The following ZNF892 variants were observed in gnomAD, a reference collection of about 807,000 sequenced individuals.
The protein encoded by ZNF892 is zinc finger protein 892.
chr2:95,262,677 G>T, the ZNF892 span, among the ~76,000 whole-genome samples: 9 of 152,162 alleles, frequency 5.9e-5, no homozygotes. Flanking sequence ...AAGGAGCAGG[G>T]GTTGTTGACA....
At chr2:95,215,904 C>T in the ZNF892 span, among the ~76,000 whole-genome samples, 1 of 152,166 alleles carries the variant, frequency 6.6e-6, no homozygotes, top group Non-Finnish European at 1.5e-5. Flanking sequence ...AACGGGACAT[C>T]TTGACTGTGC....
chr2:95,220,937 G>T, the ZNF892 span, among the ~76,000 whole-genome samples: 27 of 152,134 alleles, frequency 1.8e-4, no homozygotes, highest in African/African-American at 5.5e-4. Context: ...TCAGAATTTT[G>T]GATTTTTTTA....
chr2:95,226,917 C>T, the ZNF892 span, among the ~76,000 whole-genome samples: 2 of 152,176 alleles, frequency 1.3e-5, no homozygotes, highest in African/African-American at 4.8e-5. Flanking sequence ...TTAAGTGGCT[C>T]TTGAGTCCCA....
At chr2:95,208,518 G>A in the ZNF892 span, 1 of 396,880 alleles carries the variant, frequency 2.5e-6, no homozygotes, top group Non-Finnish European at 4.4e-6. Flanking sequence ...TTGATTAAAA[G>A]ATATTATGCG....
At chr2:95,260,074 C>T in the ZNF892 span, among the ~76,000 whole-genome samples, 48 of 152,322 alleles carry the variant, frequency 3.2e-4, no homozygotes, top group African/African-American at 6.0e-4. Context: ...CACCCAGGTC[C>T]GGCTGCTGCG....
chr2:95,253,596 A>G, the ZNF892 span, among the ~76,000 whole-genome samples: 2 of 152,168 alleles, frequency 1.3e-5, no homozygotes, highest in East Asian at 3.9e-4. Flanking sequence ...TGCACTTTAA[A>G]GTAGTTTTTT....
the ZNF892 span, among the ~76,000 whole-genome samples, chr2:95,254,477 G>A: frequency 6.6e-6 from 1 of 152,218 alleles, no homozygotes; most frequent in Admixed American, 6.5e-5. Context: ...GCTGGATTCA[G>A]TTTGCCAGTA....
chr2:95,260,947 G>C, the ZNF892 span, among the ~76,000 whole-genome samples: 1 of 152,206 alleles, frequency 6.6e-6, no homozygotes, highest in African/African-American at 2.4e-5. Context: ...AGGGCGGCCT[G>C]CAGCCCAGGT....
chr2:95,261,296 C>CTT, the ZNF892 span, among the ~76,000 whole-genome samples: 1 of 141,568 alleles, frequency 7.1e-6, no homozygotes, highest in Admixed American at 7.1e-5. Context: ...TTACACAATT[C>CTT]TTTTTTTTTT....
chr2:95,231,151 C>A, the ZNF892 span, among the ~76,000 whole-genome samples: 1 of 152,242 alleles, frequency 6.6e-6, no homozygotes, highest in Non-Finnish European at 1.5e-5. Context: ...CCTAGCAATG[C>A]TCTTCACAAC....
the ZNF892 span, among the ~76,000 whole-genome samples, chr2:95,254,628 A>G: frequency 1.5e-3 from 226 of 152,138 alleles, 1 homozygote; most frequent in Admixed American, 5.1e-3. Flanking sequence ...CTCTTTTTCT[A>G]TTGATTGGAA....
the ZNF892 span, among the ~76,000 whole-genome samples, chr2:95,216,185 A>G: frequency 3.9e-5 from 6 of 152,208 alleles, no homozygotes; most frequent in African/African-American, 4.8e-5. Context: ...CATGAGAAAT[A>G]TAGACTTGCT....
At chr2:95,227,356 C>T in the ZNF892 span, among the ~76,000 whole-genome samples, 2 of 152,018 alleles carry the variant, frequency 1.3e-5, no homozygotes, top group African/African-American at 4.8e-5. Context: ...CAGAGTTTCA[C>T]TCTGTCTCCC....
At chr2:95,261,961 C>T in the ZNF892 span, among the ~76,000 whole-genome samples, 5 of 152,132 alleles carry the variant, frequency 3.3e-5, no homozygotes, top group African/African-American at 7.2e-5. Context: ...AGTCAGTGCA[C>T]GCTCTAACGT....
chr2:95,232,121 AC>A, the ZNF892 span: 1 of 152,164 alleles, frequency 6.6e-6, no homozygotes, highest in Non-Finnish European at 1.5e-5. Context: ...GAAATGGAAG[AC>A]TTGTGTGCGG....
the ZNF892 span, among the ~76,000 whole-genome samples, chr2:95,240,859 A>C: frequency 1.3e-5 from 2 of 152,126 alleles, no homozygotes; most frequent in Admixed American, 6.5e-5. Flanking sequence ...AGTGTCCCCC[A>C]CAATGCAGCA....
At chr2:95,219,845 C>A in the ZNF892 span, among the ~76,000 whole-genome samples, 1 of 152,170 alleles carries the variant, frequency 6.6e-6, no homozygotes, top group African/African-American at 2.4e-5. Flanking sequence ...TACTGCTCGG[C>A]AAGGGTGGGA....
the ZNF892 span, among the ~76,000 whole-genome samples, chr2:95,256,063 C>G: frequency 6.6e-6 from 1 of 152,122 alleles, no homozygotes; most frequent in Non-Finnish European, 1.5e-5. Context: ...TTAATTGGAG[C>G]ATTTATCATT....
the ZNF892 span, among the ~76,000 whole-genome samples, chr2:95,219,328 T>G: frequency 6.6e-6 from 1 of 152,140 alleles, no homozygotes; most frequent in South Asian, 2.1e-4. Context: ...TTTTATATCT[T>G]CAAGTTCACT....
Sources: gnomAD v4.1 joint callset for allele counts (sites outside exome capture counted in the v4.1 genomes callset) on GRCh38, gnomAD v4.1.1 for gene constraint, MANE v1.5 for transcripts, NCBI Gene and HGNC (gene_info 2026-07-23, HGNC 2026-07-21) for gene names.